LAMC3: variants seen among roughly 807,000 people sequenced by gnomAD.
The protein encoded by LAMC3 is laminin subunit gamma-3.
A neutral mutation model predicts 173.8 loss-of-function variants in LAMC3; 128 were observed. The ratio of observed to expected loss-of-function variants is 0.74; its 90% CI spans 0.64 to 0.85. The LOEUF (loss-of-function observed/expected upper bound fraction) is 0.85. Ranked by LOEUF, LAMC3 falls within the 40% of genes least tolerant of loss-of-function variation. The probability of loss-of-function intolerance (pLI) is 0.00; values close to 1 mark genes in which losing one functional copy is unlikely to be tolerated. For synonymous variants in LAMC3, 897 were observed against 909.1 expected (o/e 0.99, Z 0.24); for missense variants, 2,022 against 2,156.0 (o/e 0.94, Z 1.23).
chr9:131,082,378 A>C (rs1302797317), intron 24 of LAMC3, among the ~76,000 whole-genome samples: 1 of 152,154 alleles, frequency 6.6e-6, no homozygotes, highest in East Asian at 1.9e-4. Flanking sequence ...CATACACCCC[A>C]GGTCATCAGA....
At chr9:131,089,176 C>T (rs1386263137) in intron 27 of LAMC3, among the ~76,000 whole-genome samples, 3 of 86,516 alleles carry the variant, frequency 3.5e-5, no homozygotes, top group Admixed American at 1.8e-4. Context: ...GGCCTGTCAT[C>T]GGGTGGGGGG....
chr9:131,057,088 C>T lies in LAMC3; in HGVS notation c.2099C>T (p.Pro700Leu). 1 of 1,614,176 alleles carries T rather than the reference C, an allele frequency of 6.2e-7. No individual in the cohort carries two copies. Among genetic ancestry groups the T allele is most frequent in the Non-Finnish European group, 8.5e-7 (1 of 1,180,038 alleles). ...GYKREMPQGGPYASCVPCTCN... is the reference protein window; with the variant it reads ...GYKREMPQGGLYASCVPCTCN... ...AAGAGGGAGATGCCACAGGGGGGTC[C>T]CTATGCCAGCTGTGTCCCCTGCACC... Residue 700 changes from proline to leucine, a missense_variant, in exon 12 of 28, where the codon CCC (proline) becomes CTC (leucine). Pro to Leu is a moderately conservative substitution (Grantham distance 98). Coordinates refer to ENST00000361069, the MANE Select transcript of LAMC3 (RefSeq NM_006059.4).
chr9:131,019,079 A>G (rs762053965), intron 1 of LAMC3, among the ~76,000 whole-genome samples: 1 of 152,202 alleles, frequency 6.6e-6, no homozygotes, highest in African/African-American at 2.4e-5. Flanking sequence ...CCTGGCCTAC[A>G]TGGTGAAATC....
Position 131,072,654 on chromosome 9 carries a change from A to G in LAMC3, c.3236A>G (p.Gln1079Arg). 6.2e-7 allele frequency: 1 copy of G among 1,610,998 alleles called. No homozygotes were observed. The highest frequency in any genetic ancestry group is 1.1e-5 in the South Asian group (1 of 90,654). Residue 1079 changes from glutamine (Q) to arginine (R), a missense_variant, in exon 19 of 28, where the codon CAG becomes CGG. Physicochemically the swap from Gln to Arg is conservative, Grantham distance 43. Transcript: ENST00000361069. ...GGGGCTCGGGAAGCCTTCCTGGAGC[A>G]GATGATGAGCCTCGAGGGTGCTGTC... is the stretch of plus-strand genomic sequence containing the variant. ...LPGAREAFLEQMMSLEGAVKA... is the reference protein window; with the variant it reads ...LPGAREAFLERMMSLEGAVKA...
chr9:131,036,210 C>T lies in LAMC3; in HGVS notation c.854C>T (p.Ala285Val), dbSNP rs750805884. The part of the protein sequence containing the change: ...GHASECGPDV[A>V]GQLACRCQHN... ...GCCAGCGAGTGCGGCCCCGACGTGG[C>T]AGGCCAGTTGGCCTGCCGGTGCCAG... is the stretch of plus-strand genomic sequence containing the variant. The change falls in exon 4 of 28, where the codon GCA becomes GTA. Residue 285 changes from alanine (A) to valine (V), a missense_variant. Coordinates refer to ENST00000361069, the MANE Select transcript of LAMC3 (RefSeq NM_006059.4). 2.7e-5 allele frequency: 43 copies of T among 1,612,686 alleles called. No individual in the cohort carries two copies. Among genetic ancestry groups the T allele is most frequent in the Admixed American group, 1.3e-4 (8 of 59,980 alleles).
At chr9:131,044,670 T>C (rs1202489705) in intron 7 of LAMC3, among the ~76,000 whole-genome samples, 1 of 152,200 alleles carries the variant, frequency 6.6e-6, no homozygotes, top group Non-Finnish European at 1.5e-5. Flanking sequence ...TGTGCCCCCA[T>C]GTGATATGAC....
intron 13 of LAMC3, among the ~76,000 whole-genome samples, chr9:131,065,070 G>GA (rs1201851633): frequency 2.8e-5 from 4 of 141,126 alleles, no homozygotes; most frequent in Non-Finnish European, 6.2e-5. Context: ...GAAAAGGAAA[G>GA]AAAAAATCAT....
At chr9:131,050,331 G>C (rs1489261365) in intron 9 of LAMC3, among the ~76,000 whole-genome samples, 1 of 152,214 alleles carries the variant, frequency 6.6e-6, no homozygotes, top group African/African-American at 2.4e-5. Flanking sequence ...TGCTTACGGT[G>C]GGGACACAGA....
intron 1 of LAMC3, among the ~76,000 whole-genome samples, chr9:131,011,891 A>G (rs1394146242): frequency 6.6e-6 from 1 of 152,096 alleles, no homozygotes; most frequent in African/African-American, 2.4e-5. Flanking sequence ...TTTGGATTTG[A>G]GGTAGTTCCT....
Position 131,009,231 on chromosome 9 carries a change from T to G in LAMC3, c.17T>G (p.Leu6Arg). 1 of 1,245,064 alleles carries G rather than the reference T, an allele frequency of 8.0e-7. No homozygotes were observed. Among genetic ancestry groups the G allele is most frequent in the Non-Finnish European group, 1.0e-6 (1 of 998,730 alleles). The allele number at this position is 1,245,064 out of a possible 1,614,324, so 77.1% of individuals were successfully genotyped here. The change falls in exon 1 of 28, where the codon CTT (leucine) becomes CGT (arginine). Residue 6 changes from leucine (L) to arginine (R), a missense_variant. Leu to Arg is a moderately radical substitution (Grantham distance 102). Coordinates refer to ENST00000361069, the MANE Select transcript of LAMC3 (RefSeq NM_006059.4). This position sits in a 1 kb window ranked among gnomAD's most constrained non-coding sequence, Gnocchi z 4.3. ...CCCTTGACCATGGCGGCGGCTGCGCTTCTGCTGGGGCTGGCGCTGCTGGCA... is the reference window on the plus strand; with the variant it reads ...CCCTTGACCATGGCGGCGGCTGCGCGTCTGCTGGGGCTGGCGCTGCTGGCA... Reference protein sequence around the residue: MAAAALLLGLALLAPR... With the variant: MAAAARLLGLALLAPR...
In LAMC3 at chr9:131,039,134, C is replaced by CA; in HGVS notation, c.1169_1170insA (p.Leu391ProfsTer7). On this transcript the variant is annotated frameshift_variant, in exon 6 of 28. Coordinates refer to ENST00000361069, the MANE Select transcript of LAMC3 (RefSeq NM_006059.4). LOFTEE classifies it high-confidence loss of function. The stretch of plus-strand genomic sequence containing the variant: ...CCCTGTGCCCTTCCTCTCCCAGGCT[C>CA]CCTACACCTCCAGTGCGATGACACA... 6.2e-7 allele frequency: 1 copy of CA among 1,611,496 alleles called. No homozygotes were observed. The highest frequency in any genetic ancestry group is 1.1e-5 in the South Asian group (1 of 91,080).
In LAMC3 at chr9:131,046,518, A is replaced by ATTTTTTTT. The variant is rs71501242; in HGVS notation, c.1519+877_1519+884dup. On this transcript the variant is annotated intron_variant, in intron 8 of 27. Transcript: ENST00000361069. Reference sequence around the variant, plus strand: ...ACCACCATGCCGAGCTAATTTTTGTATTTTTTTTTTTTTTTTTTTTTTTTT... The same window carrying ATTTTTTTT: ...ACCACCATGCCGAGCTAATTTTTGTATTTTTTTTTTTTTTTTTTTTTTTTTTTTTTTTT... Among the ~76,000 whole-genome samples, 75 of 49,164 alleles carry ATTTTTTTT rather than the reference A, an allele frequency of 1.5e-3. 4 individuals are homozygous for ATTTTTTTT. The highest frequency in any genetic ancestry group is 2.5e-3 in the Admixed American group (7 of 2,768). The allele number at this position is 49,164 out of a possible 152,430, so 32.3% of individuals were successfully genotyped here. A position where few individuals can be genotyped will look rare whatever the true frequency, so the allele number is the denominator to read the frequency against.
chr9:131,079,477 G>A (rs561925449), intron 23 of LAMC3, among the ~76,000 whole-genome samples, 179 bp downstream of exon 23: 1 of 152,080 alleles, frequency 6.6e-6, no homozygotes, highest in Non-Finnish European at 1.5e-5. Flanking sequence ...GGTGGATCAC[G>A]AGGTCAGGAG....
chr9:131,078,513 C>A (rs1472431945), intron 22 of LAMC3, among the ~76,000 whole-genome samples: 4 of 152,074 alleles, frequency 2.6e-5, no homozygotes, highest in Non-Finnish European at 5.9e-5. Context: ...ACAAAAAAAA[C>A]TCAGCTTATA....
chr9:131,091,134 G>A (rs537370732), intron 27 of LAMC3, among the ~76,000 whole-genome samples: 9 of 152,338 alleles, frequency 5.9e-5, no homozygotes, highest in African/African-American at 2.2e-4. Flanking sequence ...GCCCACAGGC[G>A]GCATCTGTAA....
At position 131,009,367 on chromosome 9, in the gene LAMC3, G is replaced by T; in HGVS notation, c.153G>T (p.Ser51=). 2 of 1,522,448 alleles carry T rather than the reference G, an allele frequency of 1.3e-6. No individual in the cohort carries two copies. Among genetic ancestry groups the T allele is most frequent in the Non-Finnish European group, 1.8e-6 (2 of 1,140,276 alleles). 94.3% of individuals were successfully genotyped at this position (1,522,448 alleles called of 1,614,324 possible). A position where few individuals can be genotyped will look rare whatever the true frequency, so the allele number is the denominator to read the frequency against. The change falls in exon 1 of 28, where the codon TCG becomes TCT. Residue 51 remains serine, a synonymous_variant. Transcript: ENST00000361069. The surrounding 1 kb of genome is among the most constrained non-coding windows in gnomAD (Gnocchi z 4.3). The stretch of plus-strand genomic sequence containing the variant: ...CGTTTGGGCGGCTCGCCCAGGCCTC[G>T]CACACGTGCGGCAGCCCGCCCGAGG... ...NAAFGRLAQA[S]HTCGSPPEDF... is the part of the protein sequence containing the mutation.
chr9:131,091,702 G>A lies in LAMC3; in HGVS notation c.4643G>A (p.Ser1548Asn), dbSNP rs750415288. ...GAGCTGCAGATCCAGGGCTTCGAGA[G>A]TGACCTCGCCGAGATCCGCGCCGAC... ...QQELQIQGFE[S>N]DLAEIRADKQ... Residue 1548 changes from serine (S) to asparagine (N), a missense_variant, in exon 28 of 28, where the codon AGT becomes AAT. Coordinates refer to ENST00000361069, the MANE Select transcript of LAMC3 (RefSeq NM_006059.4). 6.2e-7 allele frequency: 1 copy of A among 1,611,964 alleles called. No homozygotes were observed. Among genetic ancestry groups the A allele is most frequent in the Non-Finnish European group, 8.5e-7 (1 of 1,179,334 alleles).
chr9:131,072,877 G>C, intron 19 of LAMC3, 42 bp downstream of exon 19: 8 of 1,565,988 alleles, frequency 5.1e-6, no homozygotes, highest in Admixed American at 1.8e-5. Flanking sequence ...CCAAACCTGG[G>C]CATTGGTCCC....
At position 131,069,040 on chromosome 9, in the gene LAMC3, G is replaced by C; in HGVS notation, c.2880G>C (p.Lys960Asn). ...TGGGTTTCTTCGGCTTCTCCATCAAGGGCTGCCGGGGTAAGGAGGCTGGGT... is the reference window on the plus strand; with the variant it reads ...TGGGTTTCTTCGGCTTCTCCATCAACGGCTGCCGGGGTAAGGAGGCTGGGT... ...CQLGFFGFSI[K>N]GCRACRCSPL... Residue 960 changes from lysine (K) to asparagine (N), a missense_variant, in exon 16 of 28, where the codon AAG (lysine) becomes AAC (asparagine). Physicochemically the swap from Lys to Asn is moderately conservative, Grantham distance 94. Transcript: ENST00000361069. 6.2e-7 allele frequency: 1 copy of C among 1,613,598 alleles called. No individual in the cohort carries two copies. The highest frequency in any genetic ancestry group is 1.3e-5 in the African/African-American group (1 of 75,054).
Sources: allele counts gnomAD v4.1 joint callset (sites outside exome capture counted in the v4.1 genomes callset), GRCh38; gene constraint gnomAD v4.1.1; non-coding constraint Gnocchi (gnomAD v3.1); transcripts MANE v1.5; gene names NCBI Gene and HGNC (gene_info 2026-07-23, HGNC 2026-07-21).